The following VCL variants were observed in gnomAD, a reference collection of about 807,000 sequenced individuals.
The protein encoded by VCL is vinculin, also known as epididymis luminal protein 114.
In VCL, 47 loss-of-function variants were observed where a neutral mutation model predicts 125.7. The observed-to-expected ratio is 0.37, with a 90% CI of 0.30 to 0.48. VCL has a LOEUF of 0.48. Ranked by LOEUF, VCL falls within the 20% of genes least tolerant of loss-of-function variation. The pLI is 0.99. For missense variants in VCL, 1,069 were observed against 1,455.5 expected (o/e 0.73, Z 4.32); for synonymous variants, 458 against 514.6 (o/e 0.89, Z 1.49).
chr10:74,107,294 A>G lies in VCL; in HGVS notation c.2499A>G (p.Glu833=). The G allele has an allele frequency of 5.0e-6, 8 of 1,614,234 alleles. No homozygotes were observed. The highest frequency in any genetic ancestry group is 6.8e-6 in the Non-Finnish European group (8 of 1,180,034). Residue 833 remains glutamate, a synonymous_variant, in exon 17 of 22, where the codon GAA becomes GAG. Coordinates refer to ENST00000211998, the MANE Select transcript of VCL (RefSeq NM_014000.3). ...TGGGAGCTGTGGCCAAGGTCAGAGA[A>G]GCCTTCCAACCTCAGGAGCCTGACT... ...RILGAVAKVR[E]AFQPQEPDFP... is the part of the protein sequence containing the mutation.
downstream of VCL, chr10:74,121,183 CT>C (rs1840445002): frequency 6.6e-6 from 1 of 152,160 alleles, no homozygotes; most frequent in Non-Finnish European, 1.5e-5. Flanking sequence ...CTAAAACTGT[CT>C]TGTTTTTGCC....
rs1839931456 is a variant in VCL, at chr10:74,094,268, T to C, written c.1353-3T>C. 4.3e-6 allele frequency: 7 copies of C among 1,614,074 alleles called. No homozygotes were observed. Among genetic ancestry groups the C allele is most frequent in the East Asian group, 2.2e-5 (1 of 44,876 alleles). On this transcript the variant is annotated splice_polypyrimidine_tract_variant and splice_region_variant and intron_variant, in intron 10 of 21. Coordinates refer to ENST00000211998, the MANE Select transcript of VCL (RefSeq NM_014000.3). ...GACAGGATGGCTGTCTTTTTCTCTG[T>C]AGGGGGAAAGGAGATTCTCCAGAGG...
chr10:74,043,022 G>T (rs968858909), intron 1 of VCL, 61 bp from the exon 2 acceptor site: 20 of 1,426,550 alleles, frequency 1.4e-5, no homozygotes, highest in Non-Finnish European at 1.5e-5. Flanking sequence ...ATATGCTTAA[G>T]TAATAGTTTT....
intron 15 of VCL, 91 bp from the exon 16 acceptor site, chr10:74,104,960 C>A: frequency 2.1e-6 from 3 of 1,408,250 alleles, no homozygotes; most frequent in Non-Finnish European, 2.0e-6. Context: ...GGATGTTATA[C>A]TTTCTCATGA....
intron 1 of VCL, among the ~76,000 whole-genome samples, chr10:74,000,541 A>G (rs1393632097): frequency 6.6e-6 from 1 of 152,048 alleles, no homozygotes; most frequent in African/African-American, 2.4e-5. Context: ...TAGCCTCCCG[A>G]GTAGCTGGGA....
chr10:74,077,902 T>A (rs1299484443), intron 6 of VCL, among the ~76,000 whole-genome samples: 2 of 152,228 alleles, frequency 1.3e-5, no homozygotes, highest in African/African-American at 2.4e-5. Context: ...AACACTTCAC[T>A]TATTTTAAAA....
At position 74,060,816 on chromosome 10, in the gene VCL, C is replaced by T. The variant is rs1294825045; in HGVS notation, c.240-9854C>T. 5.3e-5 allele frequency among the ~76,000 whole-genome samples: 8 copies of T among 151,690 alleles called. No individual in the cohort carries two copies. In the East Asian group the frequency reaches 1.5e-3, roughly 29 times the overall value. On this transcript the variant is annotated intron_variant, in intron 2 of 21. Transcript: ENST00000211998. ...ACTGAGGAATTTGTGCTCTTTTTTT[C>T]TTACAAAATAATTACTCATACTCAA...
rs117904708 is a variant in VCL, at chr10:74,072,107, C to T, written c.500-623C>T. Among the ~76,000 whole-genome samples the T allele has an allele frequency of 5.5e-3, 838 of 152,222 alleles. 4 individuals are homozygous for T. Among genetic ancestry groups the T allele is most frequent in the Non-Finnish European group, 8.7e-3 (592 of 68,006 alleles). ...ATCAAAGCTTTAGAGAATCACATAGCGCCTTTGAATAACAACCAACATAAA... is the reference window on the plus strand; with the variant it reads ...ATCAAAGCTTTAGAGAATCACATAGTGCCTTTGAATAACAACCAACATAAA... On this transcript the variant is annotated intron_variant, in intron 4 of 21. Transcript: ENST00000211998.
intron 2 of VCL, among the ~76,000 whole-genome samples, chr10:74,065,048 G>C (rs1841544778): frequency 6.6e-6 from 1 of 151,274 alleles, no homozygotes; most frequent in Non-Finnish European, 1.5e-5. Flanking sequence ...CCAGTAAACA[G>C]TGAAACAAAC....
In VCL at chr10:74,094,126, C is replaced by T. The variant is rs539275016; in HGVS notation, c.1353-145C>T. ...AATTATTAATTTCTTATGTAAGGGC[C>T]AAATAAATAAACCACTCCTTTCAAA... On this transcript the variant is annotated intron_variant, in intron 10 of 21. Transcript: ENST00000211998. The T allele has an allele frequency of 2.7e-5, 25 of 924,276 alleles. No homozygotes were observed. In the South Asian group the frequency reaches 4.3e-4, roughly 16 times the overall value. 57.3% of individuals were successfully genotyped at this position (924,276 alleles called of 1,614,324 possible). A position where few individuals can be genotyped will look rare whatever the true frequency, so the allele number is the denominator to read the frequency against.
intron 1 of VCL, among the ~76,000 whole-genome samples, chr10:74,020,395 C>CT (rs565361746): frequency 3.9e-5 from 6 of 152,216 alleles, no homozygotes; most frequent in African/African-American, 1.4e-4. Context: ...ATGGATCCAC[C>CT]TAGAGAGATG....
At chr10:74,075,217 G>A (rs964998894) in intron 6 of VCL, 2 of 331,584 alleles carry the variant, frequency 6.0e-6, no homozygotes, top group East Asian at 6.3e-5. Context: ...GTGGATGGGA[G>A]CTCTGCCTTG....
At chr10:74,051,663 C>CTATTG (rs1288752638) in intron 2 of VCL, among the ~76,000 whole-genome samples, 1 of 152,154 alleles carries the variant, frequency 6.6e-6, no homozygotes, top group Non-Finnish European at 1.5e-5. Flanking sequence ...TCTCATTCTT[C>CTATTG]TTTACAATAG....
At chr10:73,999,692 C>T (rs1038635660) in intron 1 of VCL, among the ~76,000 whole-genome samples, 5 of 152,150 alleles carry the variant, frequency 3.3e-5, no homozygotes, top group Non-Finnish European at 7.4e-5. Flanking sequence ...TCAGGGGTCC[C>T]TGGACTGTCT....
intron 2 of VCL, among the ~76,000 whole-genome samples, chr10:74,049,417 A>G (rs905280308): frequency 1.3e-5 from 2 of 152,234 alleles, no homozygotes; most frequent in African/African-American, 4.8e-5. Flanking sequence ...GTAAAAAAGA[A>G]ATATTTTAAG....
rs1840365387 is a variant in VCL, at chr10:74,119,262, G to T, written c.*1093G>T. ...CTCTAAAAGATCCTTTTTAAATTCA[G>T]TCCTAAGAAAGAGGAGTGCTTGTCC... On this transcript the variant is annotated 3_prime_UTR_variant, in exon 22 of 22. Coordinates refer to ENST00000211998, the MANE Select transcript of VCL (RefSeq NM_014000.3). The T allele has an allele frequency of 6.6e-6, 1 of 152,586 alleles. No homozygotes were observed. The allele number at this position is 152,586 out of a possible 1,614,324, so 9.5% of individuals were successfully genotyped here. A position where few individuals can be genotyped will look rare whatever the true frequency, so the allele number is the denominator to read the frequency against.
At position 74,118,283 on chromosome 10, in the gene VCL, G is replaced by T; in HGVS notation, c.*114G>T. On this transcript the variant is annotated 3_prime_UTR_variant, in exon 22 of 22. Coordinates refer to ENST00000211998, the MANE Select transcript of VCL (RefSeq NM_014000.3). ...AGCTGAAAAATCACATCCTGGCCTGGCACATCAGAAAGGAATGGGGGCCTC... is the reference window on the plus strand; with the variant it reads ...AGCTGAAAAATCACATCCTGGCCTGTCACATCAGAAAGGAATGGGGGCCTC... 1 of 1,362,630 alleles carries T rather than the reference G, an allele frequency of 7.3e-7. No individual in the cohort carries two copies. The allele number at this position is 1,362,630 out of a possible 1,614,324, so 84.4% of individuals were successfully genotyped here. A position where few individuals can be genotyped will look rare whatever the true frequency, so the allele number is the denominator to read the frequency against.
chr10:74,004,820 T>C (rs1383625678), intron 1 of VCL, among the ~76,000 whole-genome samples: 1 of 152,006 alleles, frequency 6.6e-6, no homozygotes, highest in African/African-American at 2.4e-5. Context: ...TTCTCCTGCC[T>C]CAGCCTCCCG....
At chr10:74,110,497 T>C (rs1225730710) in intron 18 of VCL, among the ~76,000 whole-genome samples, 1 of 152,154 alleles carries the variant, frequency 6.6e-6, no homozygotes, top group African/African-American at 2.4e-5. Context: ...GGGAGGAATA[T>C]CTGTTCGTGT....
Sources: gnomAD v4.1 joint callset for allele counts (sites outside exome capture counted in the v4.1 genomes callset) on GRCh38, gnomAD v4.1.1 for gene constraint, MANE v1.5 for transcripts, NCBI Gene and HGNC (gene_info 2026-07-23, HGNC 2026-07-21) for gene names.